RGPD2: variants seen among roughly 807,000 people sequenced by gnomAD.
RGPD2 encodes the protein RANBP2 like and GRIP domain containing 2, also known as RANBP2-like and GRIP domain-containing protein 2.
In RGPD2, 2 loss-of-function variants were observed where a neutral mutation model predicts 36.0. That is an observed-to-expected ratio of 0.06 (90% CI 0.02 to 0.17). The LOEUF (loss-of-function observed/expected upper bound fraction) is 0.17, where lower values mean the gene tolerates loss of function less well. Among genes scored for constraint, RGPD2 ranks in the 10% least tolerant of loss-of-function variants. The probability of loss-of-function intolerance (pLI) is 1.00; values close to 1 mark genes in which losing one functional copy is unlikely to be tolerated. For synonymous variants in RGPD2, 19 were observed against 163.8 expected (o/e 0.12, Z 6.75); for missense variants, 40 against 464.3 (o/e 0.09, Z 8.40).
chr2:87,815,128 T>C (rs1253065286), intron 4 of RGPD2, among the ~76,000 whole-genome samples: 2 of 147,260 alleles, frequency 1.4e-5, no homozygotes, highest in African/African-American at 2.7e-5. Context: ...AATCTACACA[T>C]GATAAAATGA....
the RGPD2 span, among the ~76,000 whole-genome samples, chr2:87,897,649 C>T: frequency 3.7e-4 from 56 of 151,290 alleles, no homozygotes; most frequent in South Asian, 0.011. Context: ...CAACTGGCCC[C>T]CGTGTGTGGT....
chr2:87,843,847 G>A, the RGPD2 span, among the ~76,000 whole-genome samples: 2 of 151,054 alleles, frequency 1.3e-5, no homozygotes, highest in Admixed American at 6.6e-5. Context: ...ATTAAGAAAA[G>A]GTGGAACATA....
the RGPD2 span, among the ~76,000 whole-genome samples, chr2:87,843,952 T>C: frequency 6.6e-6 from 1 of 152,120 alleles, no homozygotes; most frequent in Non-Finnish European, 1.5e-5. Flanking sequence ...CTCAGTAAAC[T>C]GTTGCAAGAA....
chr2:87,929,521 T>TG, the RGPD2 span, among the ~76,000 whole-genome samples: 2 of 140,426 alleles, frequency 1.4e-5, no homozygotes, highest in African/African-American at 2.7e-5. Flanking sequence ...GTGTGTGTGT[T>TG]TTGCTTAGGA....
the RGPD2 span, among the ~76,000 whole-genome samples, chr2:87,988,541 A>ATTTTTTTTTTTT: frequency 1.8e-5 from 1 of 54,148 alleles, no homozygotes; most frequent in Admixed American, 3.1e-4. Context: ...ATATATATAT[A>ATTTTTTTTTTTT]TTTTTTTTTT....
the RGPD2 span, among the ~76,000 whole-genome samples, chr2:87,977,538 G>C: frequency 6.6e-6 from 1 of 150,900 alleles, no homozygotes; most frequent in South Asian, 2.1e-4. Context: ...ACAAGGCCAG[G>C]CGTGGTGGCT....
chr2:87,897,480 T>A, the RGPD2 span, among the ~76,000 whole-genome samples: 1 of 151,982 alleles, frequency 6.6e-6, no homozygotes, highest in Non-Finnish European at 1.5e-5. Flanking sequence ...TTATTTTATT[T>A]TTTTAGGTTC....
chr2:87,881,962 A>G, the RGPD2 span, among the ~76,000 whole-genome samples: 1 of 151,860 alleles, frequency 6.6e-6, no homozygotes, highest in Non-Finnish European at 1.5e-5. Context: ...GCAAAGGGAG[A>G]GCAGGCATTT....
intron 1 of RGPD2, among the ~76,000 whole-genome samples, chr2:87,825,439 CCGCCCGGCCA>C (rs1446864907): frequency 1.7e-5 from 2 of 116,852 alleles, no homozygotes; most frequent in Non-Finnish European, 4.0e-5. Flanking sequence ...GCCGCCGCCG[CCGCCCGGCCA>C]GGCCGAGGCC....
the RGPD2 span, among the ~76,000 whole-genome samples, chr2:87,986,429 A>G: frequency 1.2e-4 from 18 of 151,750 alleles, no homozygotes; most frequent in South Asian, 4.2e-4. Context: ...CACTGTGCCC[A>G]GCCAAGGACA....
At chr2:87,855,664 C>CG in the RGPD2 span, among the ~76,000 whole-genome samples, 5 of 151,108 alleles carry the variant, frequency 3.3e-5, no homozygotes, top group African/African-American at 1.2e-4. Flanking sequence ...CTCTGTTCCC[C>CG]GGGCTGGAGT....
the RGPD2 span, among the ~76,000 whole-genome samples, chr2:87,989,380 G>T: frequency 1.3e-5 from 2 of 150,766 alleles, no homozygotes; most frequent in Non-Finnish European, 2.9e-5. Context: ...AATAAAAAGT[G>T]TCTAATCTTT....
At chr2:87,955,590 A>G in the RGPD2 span, among the ~76,000 whole-genome samples, 21 of 3,564 alleles carry the variant, frequency 5.9e-3, no homozygotes, top group African/African-American at 0.018. Flanking sequence ...AAGGTTATCA[A>G]TTTTCATTTA....
the RGPD2 span, among the ~76,000 whole-genome samples, chr2:87,874,106 C>A: frequency 6.8e-6 from 1 of 147,314 alleles, no homozygotes. Flanking sequence ...CCCCTAGACC[C>A]TGGATACTAG....
At chr2:87,883,860 C>T in the RGPD2 span, among the ~76,000 whole-genome samples, 1 of 151,596 alleles carries the variant, frequency 6.6e-6, no homozygotes, top group Non-Finnish European at 1.5e-5. Flanking sequence ...GGTATTTCAA[C>T]ACTCCACTTT....
At chr2:87,853,712 T>G in the RGPD2 span, among the ~76,000 whole-genome samples, 1 of 151,220 alleles carries the variant, frequency 6.6e-6, no homozygotes, top group African/African-American at 2.4e-5. Flanking sequence ...AGTAGCCTAA[T>G]TATATTTTGC....
the RGPD2 span, among the ~76,000 whole-genome samples, chr2:87,870,683 T>A: frequency 6.6e-6 from 1 of 152,184 alleles, no homozygotes; most frequent in Admixed American, 6.5e-5. Context: ...CTACACTGAC[T>A]GTACCACACC....
the RGPD2 span, among the ~76,000 whole-genome samples, chr2:87,884,577 CAAAT>C: frequency 9.9e-5 from 15 of 151,528 alleles, no homozygotes; most frequent in Middle Eastern, 3.4e-3. Context: ...AGAGAGAAGA[CAAAT>C]AAATAACATC....
chr2:87,763,306 T>C lies in RGPD2; in HGVS notation c.5237-5880A>G, dbSNP rs900080348. On this transcript the variant is annotated intron_variant, in intron 22 of 22. Transcript: ENST00000398146. ...CCTAGTAGCTGGGACTACAGGCGCC[T>C]GCCAACACGTCTGGCTAATTTTTTG... Among the ~76,000 whole-genome samples the C allele has an allele frequency of 3.7e-4, 56 of 149,960 alleles. 1 individual carries two copies. The highest frequency in any genetic ancestry group is 1.1e-3 in the African/African-American group (45 of 39,988).
Sources: allele counts gnomAD v4.1 joint callset (sites outside exome capture counted in the v4.1 genomes callset), GRCh38; gene constraint gnomAD v4.1.1; transcripts MANE v1.5; gene names NCBI Gene and HGNC (gene_info 2026-07-23, HGNC 2026-07-21).